CLEC2D: variants seen among roughly 807,000 people sequenced by gnomAD.
CLEC2D encodes the protein C-type lectin related f.
A neutral mutation model predicts 20.0 loss-of-function variants in CLEC2D; 16 were observed. The ratio of observed to expected loss-of-function variants is 0.80; its 90% CI spans 0.54 to 1.22. CLEC2D has a LOEUF of 1.22. Ranked by LOEUF, CLEC2D falls within the 50% of genes most tolerant of loss-of-function variation. The pLI, the probability that CLEC2D is intolerant of heterozygous loss-of-function variation, is 0.00. For missense variants in CLEC2D, 207 were observed against 221.5 expected (o/e 0.93, Z 0.42); for synonymous variants, 77 against 71.1 (o/e 1.08, Z -0.42).
At chr12:9,679,361 GAC>G (rs1368860173) in intron 1 of CLEC2D, among the ~76,000 whole-genome samples, 1 of 151,560 alleles carries the variant, frequency 6.6e-6, no homozygotes, top group African/African-American at 2.4e-5. Context: ...TTTGATATAA[GAC>G]AAGTCTACTG....
chr12:9,682,990 A>G (rs1865667541), intron 2 of CLEC2D, among the ~76,000 whole-genome samples: 1 of 152,198 alleles, frequency 6.6e-6, no homozygotes, highest in Admixed American at 6.5e-5. Flanking sequence ...CTATTTCTCT[A>G]CATCCTCTTC....
intron 1 of CLEC2D, among the ~76,000 whole-genome samples, chr12:9,679,473 C>A (rs1250711129): frequency 2.0e-5 from 3 of 152,004 alleles, no homozygotes; most frequent in Non-Finnish European, 4.4e-5. Flanking sequence ...AAGGTTTTTT[C>A]TCTTAATACT....
At chr12:9,682,693 T>C (rs1280252401) in intron 2 of CLEC2D, among the ~76,000 whole-genome samples, 2 of 152,348 alleles carry the variant, frequency 1.3e-5, no homozygotes, top group Middle Eastern at 3.4e-3. Context: ...GCAAAGAATA[T>C]GAACTCATTC....
intron 2 of CLEC2D, among the ~76,000 whole-genome samples, chr12:9,681,759 G>C (rs761843363): frequency 6.6e-6 from 1 of 152,264 alleles, no homozygotes; most frequent in South Asian, 2.1e-4. Context: ...CGTAACTTAA[G>C]AGTCAGCAAT....
chr12:9,686,584 C>T (rs1298003131), intron 2 of CLEC2D, among the ~76,000 whole-genome samples: 2 of 152,024 alleles, frequency 1.3e-5, no homozygotes, highest in Non-Finnish European at 2.9e-5. Flanking sequence ...GATAATGGTG[C>T]CAATTGATAG....
At chr12:9,688,622 G>A (rs1256963754) in intron 3 of CLEC2D, among the ~76,000 whole-genome samples, 1 of 152,192 alleles carries the variant, frequency 6.6e-6, no homozygotes, top group African/African-American at 2.4e-5. Context: ...AGGAGGCTGA[G>A]GCAGCAGAAT....
Position 9,698,279 on chromosome 12 carries a change from CTAT to C in CLEC2D, c.*3411_*3413del, listed in dbSNP as rs1247207086. 1.3e-5 allele frequency: 2 copies of C among 152,112 alleles called. No individual in the cohort carries two copies. Among genetic ancestry groups the C allele is most frequent in the African/African-American group, 4.8e-5 (2 of 41,416 alleles). 9.4% of individuals were successfully genotyped at this position (152,112 alleles called of 1,614,324 possible). ...TGACAATTTTGAAAGATCCAATACA[CTAT>C]TATTAACTATAGTCACTATGCTGTG... On this transcript the variant is annotated 3_prime_UTR_variant, in exon 5 of 5. Coordinates refer to ENST00000290855, the MANE Select transcript of CLEC2D (RefSeq NM_013269.6).
At chr12:9,677,703 CTTTCTTT>C (rs1481815595) in intron 1 of CLEC2D, among the ~76,000 whole-genome samples, 1 of 85,844 alleles carries the variant, frequency 1.2e-5, no homozygotes, top group East Asian at 3.6e-4. Flanking sequence ...GCATTTCTTT[CTTTCTTT>C]TTTTTTTTTT....
chr12:9,684,481 A>G (rs926210906), intron 2 of CLEC2D, among the ~76,000 whole-genome samples: 2 of 152,336 alleles, frequency 1.3e-5, no homozygotes, highest in Middle Eastern at 3.4e-3. Flanking sequence ...GAATGCTTCC[A>G]GCTTTTGGCC....
intron 4 of CLEC2D, chr12:9,693,139 T>C: frequency 6.5e-7 from 1 of 1,544,104 alleles, no homozygotes; most frequent in Non-Finnish European, 9.0e-7. Flanking sequence ...ACTGTGAACT[T>C]GGCTCCAGGC....
In CLEC2D at chr12:9,697,068, A is replaced by T. The variant is rs1385137291; in HGVS notation, c.*2194A>T. The T allele has an allele frequency of 2.0e-5, 3 of 152,054 alleles. No homozygotes were observed. In the East Asian group the frequency reaches 5.8e-4, roughly 29 times the overall value. 9.4% of individuals were successfully genotyped at this position (152,054 alleles called of 1,614,324 possible). On this transcript the variant is annotated 3_prime_UTR_variant, in exon 5 of 5. Coordinates refer to ENST00000290855, the MANE Select transcript of CLEC2D (RefSeq NM_013269.6). Reference sequence around the variant, plus strand: ...ATATATATATAAAAAATAGAATATTATTCAGCCTTGTAAAAAGAAATCCTG... The same window carrying T: ...ATATATATATAAAAAATAGAATATTTTTCAGCCTTGTAAAAAGAAATCCTG...
At chr12:9,693,287 T>G in intron 4 of CLEC2D, 2 of 543,522 alleles carry the variant, frequency 3.7e-6, no homozygotes, top group Non-Finnish European at 6.6e-6. Flanking sequence ...ACAGAGGTTT[T>G]GATGTATCAG....
At chr12:9,671,871 C>A (rs1021743262) in intron 1 of CLEC2D, among the ~76,000 whole-genome samples, 3 of 152,072 alleles carry the variant, frequency 2.0e-5, no homozygotes, top group Admixed American at 6.5e-5. Context: ...GCTAGTATAT[C>A]CTTTTTCCTT....
In CLEC2D at chr12:9,695,785, C is replaced by T; in HGVS notation, c.*911C>T. The T allele has an allele frequency of 7.5e-7, 1 of 1,337,358 alleles. No individual in the cohort carries two copies. Among genetic ancestry groups the T allele is most frequent in the Non-Finnish European group, 1.1e-6 (1 of 941,836 alleles). The allele number at this position is 1,337,358 out of a possible 1,614,324, so 82.8% of individuals were successfully genotyped here. On this transcript the variant is annotated 3_prime_UTR_variant, in exon 5 of 5. Transcript: ENST00000290855. ...AGATGAAGAAGAGGAGGATGTGAAA[C>T]TCTTAAGTATATCTGGAAAGCAGTC... is the stretch of plus-strand genomic sequence containing the variant.
intron 1 of CLEC2D, among the ~76,000 whole-genome samples, chr12:9,678,644 A>G (rs185967130): frequency 1.6e-4 from 25 of 152,200 alleles, no homozygotes; most frequent in Admixed American, 2.6e-4. Context: ...GGCTCAAGTG[A>G]TTCTCCTACC....
In CLEC2D at chr12:9,695,773, G is replaced by A; in HGVS notation, c.*899G>A. 1 of 1,379,390 alleles carries A rather than the reference G, an allele frequency of 7.2e-7. No individual in the cohort carries two copies. The highest frequency in any genetic ancestry group is 1.0e-6 in the Non-Finnish European group (1 of 979,156). 85.4% of individuals were successfully genotyped at this position (1,379,390 alleles called of 1,614,324 possible). A position where few individuals can be genotyped will look rare whatever the true frequency, so the allele number is the denominator to read the frequency against. The stretch of plus-strand genomic sequence containing the variant: ...TGCAGAGTCAGAAGATGAAGAAGAG[G>A]AGGATGTGAAACTCTTAAGTATATC... On this transcript the variant is annotated 3_prime_UTR_variant, in exon 5 of 5. Transcript: ENST00000290855.
At chr12:9,670,216 CAA>C (rs1865385211) in intron 1 of CLEC2D, among the ~76,000 whole-genome samples, 2 of 151,726 alleles carry the variant, frequency 1.3e-5, no homozygotes, top group Middle Eastern at 3.4e-3. Flanking sequence ...AAAAAAGTAA[CAA>C]AGGTTGAGTA....
In CLEC2D at chr12:9,696,501, G is replaced by A. The variant is rs1865997355; in HGVS notation, c.*1627G>A. On this transcript the variant is annotated 3_prime_UTR_variant, in exon 5 of 5. Coordinates refer to ENST00000290855, the MANE Select transcript of CLEC2D (RefSeq NM_013269.6). ...CAGTGGTCAGACATGGAAATGGTGG[G>A]GAGACAAAAGTATACACGTGAAATA... The A allele has an allele frequency of 3.7e-6, 1 of 268,130 alleles. No individual in the cohort carries two copies. Among genetic ancestry groups the A allele is most frequent in the Non-Finnish European group, 7.2e-6 (1 of 139,358 alleles). The allele number at this position is 268,130 out of a possible 1,614,324, so 16.6% of individuals were successfully genotyped here.
intron 1 of CLEC2D, among the ~76,000 whole-genome samples, chr12:9,671,101 A>G (rs1041641604): frequency 4.5e-4 from 69 of 152,234 alleles, no homozygotes; most frequent in African/African-American, 1.6e-3. Context: ...TACTTCTGCA[A>G]TTATAGCTGC....
Sources: allele counts gnomAD v4.1 joint callset (sites outside exome capture counted in the v4.1 genomes callset), GRCh38; gene constraint gnomAD v4.1.1; transcripts MANE v1.5; gene names NCBI Gene and HGNC (gene_info 2026-07-23, HGNC 2026-07-21).